LRP1B: variants seen among roughly 807,000 people sequenced by gnomAD.
LRP1B encodes the protein LDL receptor related protein 1B.
Under a neutral mutation model 556.6 loss-of-function variants are expected in LRP1B, and 217 were observed. That is an observed-to-expected ratio of 0.39 (90% CI 0.35 to 0.44). The LOEUF (loss-of-function observed/expected upper bound fraction) is 0.44. Among genes scored for constraint, LRP1B ranks in the 20% least tolerant of loss-of-function variants. LRP1B has a pLI of 1.00. For missense variants in LRP1B, 5,053 were observed against 5,620.8 expected (o/e 0.90, Z 3.23); for synonymous variants, 2,047 against 1,865.8 (o/e 1.10, Z -2.50).
intron 15 of LRP1B, among the ~76,000 whole-genome samples, chr2:140,999,758 G>A (rs1050402910): frequency 2.6e-5 from 4 of 151,938 alleles, no homozygotes; most frequent in African/African-American, 9.7e-5. Context: ...GTTGTTTTTG[G>A]TTTGGCAATT....
At chr2:141,616,767 C>T (rs1003222937) in intron 2 of LRP1B, among the ~76,000 whole-genome samples, 2 of 152,178 alleles carry the variant, frequency 1.3e-5, no homozygotes, top group Non-Finnish European at 2.9e-5. Flanking sequence ...TCGTATGTTA[C>T]TAAGACTTTC....
chr2:141,493,502 T>A (rs79091623), intron 2 of LRP1B, among the ~76,000 whole-genome samples: 1,732 of 152,202 alleles, frequency 0.011, 40 homozygotes, highest in African/African-American at 0.04. Context: ...ATAGGCAACT[T>A]GAGGGGAATC....
chr2:140,903,900 CATGATTACAT>C (rs1694175038), intron 22 of LRP1B, among the ~76,000 whole-genome samples: 2 of 150,460 alleles, frequency 1.3e-5, no homozygotes, highest in South Asian at 2.1e-4. Flanking sequence ...TATATAATTA[CATGATTACAT>C]ATGATTACAT....
At chr2:140,973,260 C>T (rs1169795215) in intron 18 of LRP1B, among the ~76,000 whole-genome samples, 2 of 151,638 alleles carry the variant, frequency 1.3e-5, no homozygotes, top group African/African-American at 4.8e-5. Flanking sequence ...TTTTTAATTG[C>T]TCTCCAAAAA....
intron 3 of LRP1B, among the ~76,000 whole-genome samples, chr2:141,461,653 G>A (rs1021761649): frequency 6.6e-6 from 1 of 152,088 alleles, no homozygotes; most frequent in Non-Finnish European, 1.5e-5. Flanking sequence ...TATAAACAAA[G>A]CAACCATACT....
intron 2 of LRP1B, among the ~76,000 whole-genome samples, chr2:141,592,422 G>C (rs1295962964): frequency 6.6e-6 from 1 of 151,992 alleles, no homozygotes; most frequent in East Asian, 1.9e-4. Context: ...GTTAGCTCTG[G>C]GTTCTCTTTT....
At chr2:140,478,821 A>T (rs1239795537) in intron 59 of LRP1B, among the ~76,000 whole-genome samples, 1 of 152,130 alleles carries the variant, frequency 6.6e-6, no homozygotes, top group Non-Finnish European at 1.5e-5. Context: ...TATATGAAAC[A>T]AACGTAGAAC....
intron 2 of LRP1B, among the ~76,000 whole-genome samples, chr2:141,548,439 G>T (rs557662996): frequency 1.3e-5 from 2 of 152,300 alleles, no homozygotes; most frequent in African/African-American, 4.8e-5. Flanking sequence ...ATTACATAGG[G>T]TCATGCTTTG....
rs533417237 is a variant in LRP1B at position 140,394,843 on chromosome 2, C to T, written c.10415-8834G>A. ...AGATTTTGAAAGAGATTATTTTTCT[C>T]CCATTGAGATTGTAAGTATCATAAC... On this transcript the variant is annotated intron_variant, in intron 66 of 90. Coordinates refer to ENST00000389484, the MANE Select transcript of LRP1B (RefSeq NM_018557.3). Among the ~76,000 whole-genome samples, 3 of 152,232 alleles carry T rather than the reference C, an allele frequency of 2.0e-5. No homozygotes were observed. The South Asian group carries it at 6.2e-4, about 32-fold the overall frequency.
In LRP1B at chr2:141,835,781, TAAA is replaced by T. The variant is rs535082996; in HGVS notation, c.83-25383_83-25381del. ...AAAAACAAAATGTATTACATGGCTA[TAAA>T]GTGGTAAGTAGTGAGGTATACACAC... On this transcript the variant is annotated intron_variant, in intron 1 of 90. Transcript: ENST00000389484. 1.2e-3 allele frequency among the ~76,000 whole-genome samples: 175 copies of T among 151,878 alleles called. 1 individual carries two copies. The highest frequency in any genetic ancestry group is 4.0e-3 in the African/African-American group (167 of 41,468).
At chr2:140,329,157 C>T (rs932776061) in intron 79 of LRP1B, among the ~76,000 whole-genome samples, 1 of 152,026 alleles carries the variant, frequency 6.6e-6, no homozygotes, top group Non-Finnish European at 1.5e-5. Context: ...CATTCATTAA[C>T]CCTACATACT....
chr2:141,391,156 A>G lies in LRP1B; in HGVS notation c.343+89240T>C, dbSNP rs369056992. On this transcript the variant is annotated intron_variant, in intron 3 of 90. Coordinates refer to ENST00000389484, the MANE Select transcript of LRP1B (RefSeq NM_018557.3). ...TTATTTTAACTTGGATAGTCGTTAT[A>G]CAATGCAGAGGAAAGGACTTACAGC... Among the ~76,000 whole-genome samples, 117 of 152,328 alleles carry G rather than the reference A, an allele frequency of 7.7e-4. 1 individual carries two copies. The South Asian group carries it at 0.023, about 30-fold the overall frequency.
rs914490037 is a variant in LRP1B, at chr2:141,157,572, A to G, written c.1013+30849T>C. On this transcript the variant is annotated intron_variant, in intron 7 of 90. Coordinates refer to ENST00000389484, the MANE Select transcript of LRP1B (RefSeq NM_018557.3). ...TATAAAAAATTTAAATGACATAAAC[A>G]TGTAGATTTTCCTACAGTTCGATTC... Among the ~76,000 whole-genome samples, 29 of 152,220 alleles carry G rather than the reference A, an allele frequency of 1.9e-4. 1 individual carries two copies. Among genetic ancestry groups the G allele is most frequent in the Admixed American group, 1.9e-3 (29 of 15,278 alleles).
chr2:141,695,756 C>T (rs919558543), intron 2 of LRP1B, among the ~76,000 whole-genome samples: 2 of 151,860 alleles, frequency 1.3e-5, no homozygotes, highest in African/African-American at 4.8e-5. Flanking sequence ...TAAATAACAT[C>T]GTATTCAAAA....
intron 3 of LRP1B, among the ~76,000 whole-genome samples, chr2:141,264,125 C>T (rs1328681367): frequency 6.6e-6 from 1 of 151,984 alleles, no homozygotes; most frequent in African/African-American, 2.4e-5. Context: ...TTTAGGAACA[C>T]AAATTAGAAA....
intron 35 of LRP1B, among the ~76,000 whole-genome samples, chr2:140,730,454 C>T (rs1434665117): frequency 2.0e-5 from 3 of 152,038 alleles, no homozygotes; most frequent in African/African-American, 7.2e-5. Context: ...TACATGTACA[C>T]ATATATAAGA....
chr2:140,809,948 A>C (rs1038200404), intron 32 of LRP1B, among the ~76,000 whole-genome samples: 1 of 152,156 alleles, frequency 6.6e-6, no homozygotes, highest in Non-Finnish European at 1.5e-5. Context: ...GCCACATATC[A>C]TCACTTCCGC....
At chr2:141,168,135 C>T (rs1481283642) in intron 7 of LRP1B, among the ~76,000 whole-genome samples, 1 of 151,954 alleles carries the variant, frequency 6.6e-6, no homozygotes, top group Non-Finnish European at 1.5e-5. Context: ...ATGACAAAGA[C>T]TACTTCAGCA....
At position 141,638,894 on chromosome 2, in the gene LRP1B, T is replaced by C. The variant is rs201970117; in HGVS notation, c.206-158361A>G. Among the ~76,000 whole-genome samples the C allele has an allele frequency of 9.4e-4, 4 of 4,274 alleles. 1 individual carries two copies. Among genetic ancestry groups the C allele is most frequent in the Non-Finnish European group, 3.1e-3 (2 of 640 alleles). The allele number at this position is 4,274 out of a possible 152,430, so 2.8% of individuals were successfully genotyped here. ...ATATATATATATATGTGTGTGTATG[T>C]GCGTGTGTGTGTGTGTGTGTATACA... On this transcript the variant is annotated intron_variant, in intron 2 of 90. Coordinates refer to ENST00000389484, the MANE Select transcript of LRP1B (RefSeq NM_018557.3).
Sources: allele counts gnomAD v4.1 joint callset (sites outside exome capture counted in the v4.1 genomes callset), GRCh38; gene constraint gnomAD v4.1.1; transcripts MANE v1.5; gene names NCBI Gene and HGNC (gene_info 2026-07-23, HGNC 2026-07-21).